The following COL6A6 variants were observed in gnomAD, a reference collection of about 807,000 sequenced individuals.
COL6A6 encodes the protein collagen alpha-6(VI) chain.
A neutral mutation model predicts 208.6 loss-of-function variants in COL6A6; 183 were observed. The observed-to-expected ratio is 0.88, with a 90% confidence interval of 0.78 to 0.99. COL6A6 has a LOEUF of 0.99. Ranked by LOEUF, COL6A6 falls within the 50% of genes least tolerant of loss-of-function variation. COL6A6 has a pLI of 0.00. For synonymous variants in COL6A6, 973 were observed against 1,011.8 expected, an observed-to-expected ratio of 0.96 and a Z score of 0.73; for missense variants, 2,816 against 2,815.2, an observed-to-expected ratio of 1.00 and a Z score of -0.01.
chr3:130,582,232 T>C (rs999264740), intron 10 of COL6A6, among the ~76,000 whole-genome samples, 164 bp downstream of exon 10: 1 of 152,168 alleles, frequency 6.6e-6, no homozygotes, highest in African/African-American at 2.4e-5. Context: ...TCTCAGAATA[T>C]TTTGACATCC....
chr3:130,610,780 A>T (rs2064334413), intron 23 of COL6A6, 69 bp downstream of exon 23: 1 of 1,160,002 alleles, frequency 8.6e-7, no homozygotes, highest in Admixed American at 2.2e-5. Flanking sequence ...GGTTTCTTCC[A>T]TACAGGTGGA....
chr3:130,616,172 A>G (rs2064513925), intron 23 of COL6A6, among the ~76,000 whole-genome samples: 1 of 152,156 alleles, frequency 6.6e-6, no homozygotes, highest in Non-Finnish European at 1.5e-5. Context: ...CAGATACACA[A>G]GAGAGTATTA....
chr3:130,659,668 C>A (rs554670648), intron 34 of COL6A6, among the ~76,000 whole-genome samples: 2 of 152,264 alleles, frequency 1.3e-5, no homozygotes, highest in South Asian at 4.1e-4. Flanking sequence ...CCATATTAAA[C>A]CCAAGAAGGC....
At chr3:130,673,698 C>T (rs903392576) in intron 36 of COL6A6, among the ~76,000 whole-genome samples, 1 of 152,150 alleles carries the variant, frequency 6.6e-6, no homozygotes, top group East Asian at 1.9e-4. Context: ...TGGCTAACTC[C>T]TGTAATCCAA....
chr3:130,565,862 C>A (rs991004616), intron 4 of COL6A6, among the ~76,000 whole-genome samples: 8 of 152,174 alleles, frequency 5.3e-5, no homozygotes, highest in African/African-American at 9.7e-5. Context: ...ATTTGTTACT[C>A]ATCCATGTTC....
intron 1 of COL6A6, among the ~76,000 whole-genome samples, chr3:130,541,799 G>A (rs1363354113): frequency 6.6e-6 from 1 of 152,186 alleles, no homozygotes; most frequent in African/African-American, 2.4e-5. Context: ...ACATACATGG[G>A]TTGGATATTT....
At chr3:130,649,683 T>A in intron 33 of COL6A6, 121 bp downstream of exon 33, 2 of 1,049,198 alleles carry the variant, frequency 1.9e-6, no homozygotes, top group Non-Finnish European at 2.7e-6. Flanking sequence ...AAATTCTGGA[T>A]TGGCAGAGTA....
At chr3:130,617,490 G>A (rs1315535388) in intron 23 of COL6A6, among the ~76,000 whole-genome samples, 4 of 152,156 alleles carry the variant, frequency 2.6e-5, no homozygotes, top group African/African-American at 9.7e-5. Flanking sequence ...ATCAAGGTGA[G>A]TTTTGGGAAC....
intron 32 of COL6A6, among the ~76,000 whole-genome samples, chr3:130,648,051 A>G (rs2065512575): frequency 6.6e-6 from 1 of 152,242 alleles, no homozygotes; most frequent in Non-Finnish European, 1.5e-5. Flanking sequence ...ACTAGGATAA[A>G]TGAACATTAA....
In COL6A6 at chr3:130,570,846, T is replaced by G. The variant is rs1401183628; in HGVS notation, c.2430T>G (p.Val810=). Residue 810 remains valine, a synonymous_variant, in exon 7 of 37, where the codon GTT becomes GTG. Coordinates refer to ENST00000358511, the MANE Select transcript of COL6A6 (RefSeq NM_001102608.3). ...EECKRIEVLD[V]VFVIDSSGSI... ...GCAAGCGGATTGAAGTTTTAGACGT[T>G]GTGTTTGTCATTGATAGCTCTGGCA... 6.8e-6 allele frequency: 11 copies of G among 1,613,132 alleles called. No individual in the cohort carries two copies. The highest frequency in any genetic ancestry group is 9.3e-6 in the Non-Finnish European group (11 of 1,179,322).
chr3:130,554,575 G>T (rs1046573682), intron 1 of COL6A6, among the ~76,000 whole-genome samples: 6 of 152,306 alleles, frequency 3.9e-5, no homozygotes, highest in African/African-American at 1.4e-4. Flanking sequence ...CAGTGGCAAC[G>T]GTGGGGCAGG....
intron 23 of COL6A6, among the ~76,000 whole-genome samples, chr3:130,611,303 A>G (rs1030957145): frequency 1.3e-5 from 2 of 152,258 alleles, no homozygotes; most frequent in Admixed American, 6.5e-5. Flanking sequence ...ATTCTGAGTC[A>G]GCAGGTCAAG....
rs1310708140 is a variant in COL6A6, at chr3:130,581,831, C to T, written c.3818C>T (p.Pro1273Leu). The T allele has an allele frequency of 5.6e-6, 9 of 1,613,136 alleles. No homozygotes were observed. The South Asian group carries it at 9.9e-5, about 18-fold the overall frequency. The change falls in exon 9 of 37, where the codon CCA (proline) becomes CTA (leucine). Residue 1273 changes from proline to leucine, a missense_variant. Coordinates refer to ENST00000358511, the MANE Select transcript of COL6A6 (RefSeq NM_001102608.3). ...TTGAAGGATATAACAGTTAAAGGAC[C>T]ATCTCTTCTCAATGCAAACCTCTTG... Reference protein sequence around the residue: ...NSLKDITVKGPSLLNANLLDS... With the variant: ...NSLKDITVKGLSLLNANLLDS...
At chr3:130,533,089 G>A (rs940714426) in intron 1 of COL6A6, among the ~76,000 whole-genome samples, 1 of 152,014 alleles carries the variant, frequency 6.6e-6, no homozygotes, top group African/African-American at 2.4e-5. Flanking sequence ...TACTGATCAA[G>A]TAAGTCATTA....
chr3:130,531,792 C>G (rs2062102344), intron 1 of COL6A6, among the ~76,000 whole-genome samples: 1 of 152,178 alleles, frequency 6.6e-6, no homozygotes, highest in South Asian at 2.1e-4. Context: ...GGTAGAGTCA[C>G]TCGTTCTTGC....
At chr3:130,556,437 G>A (rs2062768866) in intron 1 of COL6A6, among the ~76,000 whole-genome samples, 1 of 152,020 alleles carries the variant, frequency 6.6e-6, no homozygotes, top group Non-Finnish European at 1.5e-5. Context: ...TTTCTTGAAA[G>A]GTTGGTGGAA....
Position 130,642,342 on chromosome 3 carries a change from C to T in COL6A6, c.5155-490C>T, listed in dbSNP as rs2065340011. 2.0e-5 allele frequency among the ~76,000 whole-genome samples: 3 copies of T among 150,418 alleles called. No individual in the cohort carries two copies. The South Asian group carries it at 6.3e-4, about 32-fold the overall frequency. The stretch of plus-strand genomic sequence containing the variant: ...ACCTTTCCAGATGTTCAATTGAGTC[C>T]GATCATTTTGTCAGCTAACAAATGA... On this transcript the variant is annotated intron_variant, in intron 29 of 36. Transcript: ENST00000358511.
chr3:130,541,171 A>C (rs1195460912), intron 1 of COL6A6, among the ~76,000 whole-genome samples: 1 of 152,228 alleles, frequency 6.6e-6, no homozygotes, highest in East Asian at 1.9e-4. Context: ...GACACTTCTC[A>C]AAAGAGGACT....
At chr3:130,540,271 C>A (rs2062330144) in intron 1 of COL6A6, among the ~76,000 whole-genome samples, 1 of 152,158 alleles carries the variant, frequency 6.6e-6, no homozygotes, top group South Asian at 2.1e-4. Context: ...CATACATAGC[C>A]TCCCTGATTA....
Sources: gnomAD v4.1 joint callset for allele counts (sites outside exome capture counted in the v4.1 genomes callset) on GRCh38, gnomAD v4.1.1 for gene constraint, MANE v1.5 for transcripts, NCBI Gene and HGNC (gene_info 2026-07-23, HGNC 2026-07-21) for gene names.